Variants in ADCY9 observed in about 807,000 individuals in gnomAD.
ADCY9 encodes adenylate cyclase type 9.
A neutral mutation model predicts 101.5 loss-of-function variants in ADCY9; 50 were observed. The observed-to-expected ratio is 0.49, with a 90% confidence interval of 0.39 to 0.62. The LOEUF is 0.62. Among genes scored for constraint, ADCY9 ranks in the 20% least tolerant of loss-of-function variants. The probability of loss-of-function intolerance (pLI) is 0.00; values close to 1 mark genes in which losing one functional copy is unlikely to be tolerated. For synonymous variants in ADCY9, 905 were observed against 769.3 expected, an observed-to-expected ratio of 1.18 and a Z score of -2.92; for missense variants, 1,662 against 1,800.4, an observed-to-expected ratio of 0.92 and a Z score of 1.39.
At chr16:4,078,912 G>A (rs1165680737) in intron 2 of ADCY9, among the ~76,000 whole-genome samples, 5 of 152,154 alleles carry the variant, frequency 3.3e-5, no homozygotes. Flanking sequence ...ATATGAAAAA[G>A]AGATTTGGCC....
chr16:4,039,147 G>C (rs968857417), intron 2 of ADCY9, among the ~76,000 whole-genome samples: 3 of 152,072 alleles, frequency 2.0e-5, no homozygotes, highest in Non-Finnish European at 4.4e-5. Context: ...ACAGAGCAGA[G>C]ACTCTAACGT....
intron 2 of ADCY9, among the ~76,000 whole-genome samples, chr16:4,082,709 C>T (rs1024781946): frequency 5.7e-5 from 5 of 87,956 alleles, no homozygotes; most frequent in Admixed American, 1.6e-4. Context: ...TGCACACCCA[C>T]GCATGCACGC....
At chr16:3,988,026 T>C (rs1416394595) in intron 6 of ADCY9, among the ~76,000 whole-genome samples, 1 of 148,754 alleles carries the variant, frequency 6.7e-6, no homozygotes, top group Non-Finnish European at 1.5e-5. Flanking sequence ...GTTGGGACTG[T>C]GCTGGAGGCT....
Position 3,983,243 on chromosome 16 carries a change from C to G in ADCY9, c.2508G>C (p.Ala836=). Residue 836 remains alanine (A), a synonymous_variant, in exon 7 of 11, where the codon GCG becomes GCC. Transcript: ENST00000294016. ...CACGCGGCGCTTACCTGATGGACACCGCGAGGGACAGCACCTCCAGCAGCA... is the reference window on the plus strand; with the variant it reads ...CACGCGGCGCTTACCTGATGGACACGGCGAGGGACAGCACCTCCAGCAGCA... The part of the protein sequence containing the change: ...AALLLEVLSL[A]VSIRMVFFLE... 1 of 1,550,616 alleles carries G rather than the reference C, an allele frequency of 6.4e-7. No individual in the cohort carries two copies. The highest frequency in any genetic ancestry group is 8.7e-7 in the Non-Finnish European group (1 of 1,146,902).
At chr16:4,035,279 G>A (rs1419080595) in intron 2 of ADCY9, among the ~76,000 whole-genome samples, 1 of 151,988 alleles carries the variant, frequency 6.6e-6, no homozygotes, top group Non-Finnish European at 1.5e-5. Flanking sequence ...ATTCTGCCAG[G>A]TGCTAAGTAG....
chr16:4,083,519 G>A (rs2056918449), intron 2 of ADCY9, among the ~76,000 whole-genome samples: 1 of 152,142 alleles, frequency 6.6e-6, no homozygotes, highest in Admixed American at 6.5e-5. Flanking sequence ...ATACCCAAGA[G>A]AAATGAAAAC....
chr16:4,030,959 G>A (rs2056551297), intron 2 of ADCY9, among the ~76,000 whole-genome samples: 1 of 151,986 alleles, frequency 6.6e-6, no homozygotes, highest in African/African-American at 2.4e-5. Context: ...ACACTTCAAT[G>A]CAAAATTTAT....
chr16:4,050,441 C>T (rs570025484), intron 2 of ADCY9, among the ~76,000 whole-genome samples: 9 of 151,964 alleles, frequency 5.9e-5, no homozygotes, highest in African/African-American at 1.4e-4. Flanking sequence ...ATGCCAGGCG[C>T]GGTGGCTCAT....
At chr16:4,111,431 G>A (rs2057113334) in intron 2 of ADCY9, among the ~76,000 whole-genome samples, 1 of 152,124 alleles carries the variant, frequency 6.6e-6, no homozygotes, top group African/African-American at 2.4e-5. Context: ...ATTGTATAGA[G>A]AAAACATCTG....
intron 2 of ADCY9, among the ~76,000 whole-genome samples, chr16:4,065,481 A>C (rs1487428663): frequency 5.3e-5 from 8 of 152,238 alleles, no homozygotes; most frequent in Admixed American, 6.5e-5. Flanking sequence ...ATGTTGCCAG[A>C]AGGGCAGGTG....
intron 6 of ADCY9, among the ~76,000 whole-genome samples, chr16:3,987,872 A>T (rs2056206935): frequency 1.3e-5 from 2 of 152,128 alleles, no homozygotes; most frequent in African/African-American, 4.8e-5. Context: ...GGCCCAGAGG[A>T]GAGAATGCAG....
chr16:4,055,947 A>G (rs1037636697), intron 2 of ADCY9, among the ~76,000 whole-genome samples: 1 of 152,176 alleles, frequency 6.6e-6, no homozygotes, highest in African/African-American at 2.4e-5. Context: ...CAGCTCCCAC[A>G]AGTACAAGCG....
At chr16:3,961,773 C>T (rs1337251740), downstream of ADCY9, among the ~76,000 whole-genome samples, 3 of 152,194 alleles carry the variant, frequency 2.0e-5, no homozygotes, top group Non-Finnish European at 2.9e-5. Context: ...TGCCTGTAAT[C>T]CCAGCACTTC....
At position 4,059,578 on chromosome 16, in the gene ADCY9, C is replaced by CA. The variant is rs564975331; in HGVS notation, c.1694-52021dup. ...GGGTTGGAAATCAACCAAAGACATA[C>CA]AAAAAATTGAAAAATGTTTATTCAA... is the stretch of plus-strand genomic sequence containing the variant. On this transcript the variant is annotated intron_variant, in intron 2 of 10. Coordinates refer to ENST00000294016, the MANE Select transcript of ADCY9 (RefSeq NM_001116.4). Among the ~76,000 whole-genome samples the CA allele has an allele frequency of 1.5e-3, 234 of 152,050 alleles. 1 individual carries two copies. Among genetic ancestry groups the CA allele is most frequent in the African/African-American group, 5.3e-3 (221 of 41,478 alleles).
At chr16:4,061,236 C>G (rs1025427316) in intron 2 of ADCY9, among the ~76,000 whole-genome samples, 97 of 151,942 alleles carry the variant, frequency 6.4e-4, no homozygotes, top group African/African-American at 2.3e-3. Flanking sequence ...AGCATGCCAA[C>G]ATATATATAA....
intron 2 of ADCY9, among the ~76,000 whole-genome samples, chr16:4,087,769 C>G (rs1278441847): frequency 1.3e-5 from 2 of 151,346 alleles, no homozygotes; most frequent in Non-Finnish European, 3.0e-5. Flanking sequence ...ACTATTTGCT[C>G]GGATACTACA....
At chr16:3,968,685 G>A (rs968709824) in intron 10 of ADCY9, among the ~76,000 whole-genome samples, 5 of 152,108 alleles carry the variant, frequency 3.3e-5, no homozygotes, top group South Asian at 2.1e-4. Flanking sequence ...AACTGGGCCC[G>A]AGTCTGTCTT....
intron 2 of ADCY9, among the ~76,000 whole-genome samples, chr16:4,083,420 T>C (rs2056917940): frequency 6.6e-6 from 1 of 151,996 alleles, no homozygotes; most frequent in Non-Finnish European, 1.5e-5. Context: ...GAAGAGAAAA[T>C]GGCATAGCCA....
intron 2 of ADCY9, among the ~76,000 whole-genome samples, chr16:4,059,351 A>G (rs952877638): frequency 1.4e-5 from 2 of 146,696 alleles, no homozygotes; most frequent in Non-Finnish European, 3.0e-5. Flanking sequence ...ACTGCACTCC[A>G]GCCTGGGCGA....
Sources: gnomAD v4.1 joint callset for allele counts (sites outside exome capture counted in the v4.1 genomes callset) on GRCh38, gnomAD v4.1.1 for gene constraint, MANE v1.5 for transcripts, NCBI Gene and HGNC (gene_info 2026-07-23, HGNC 2026-07-21) for gene names.